Variants in TRIP11 observed in about 807,000 individuals in gnomAD.
TRIP11 encodes thyroid hormone receptor interactor 11, also known as thyroid receptor-interacting protein 11.
In TRIP11, 148 loss-of-function variants were observed where a neutral mutation model predicts 223.1. The ratio of observed to expected loss-of-function variants is 0.66; its 90% CI spans 0.58 to 0.76. The LOEUF (loss-of-function observed/expected upper bound fraction) is 0.76, where lower values mean the gene tolerates loss of function less well. Ranked by LOEUF, TRIP11 falls within the 30% of genes least tolerant of loss-of-function variation. The probability of loss-of-function intolerance (pLI) is 0.00; values close to 1 mark genes in which losing one functional copy is unlikely to be tolerated. For missense variants in TRIP11, 2,043 were observed against 2,222.0 expected, an observed-to-expected ratio of 0.92 and a Z score of 1.62; for synonymous variants, 762 against 772.6, an observed-to-expected ratio of 0.99 and a Z score of 0.23.
rs563903210 is a variant in TRIP11, at chr14:92,026,929, C to T, written c.202-1509G>A. ...AGTTAAACTAAAAAAAAGGCCGCCG[C>T]GACCTATTCACCCTCCACTTCCCCT... On this transcript the variant is annotated intron_variant, in intron 2 of 20. Transcript: ENST00000267622. 1.1e-4 allele frequency: 137 copies of T among 1,277,294 alleles called. 4 individuals carry two copies. The South Asian group carries it at 1.5e-3, about 14-fold the overall frequency. 79.1% of individuals were successfully genotyped at this position (1,277,294 alleles called of 1,614,324 possible).
intron 7 of TRIP11, among the ~76,000 whole-genome samples, chr14:92,013,878 T>C (rs2057003788): frequency 6.6e-6 from 1 of 152,246 alleles, no homozygotes; most frequent in Non-Finnish European, 1.5e-5. Flanking sequence ...CCTATGGCTC[T>C]AAGCACTCAG....
chr14:91,992,955 A>G (rs2056697510), intron 15 of TRIP11, among the ~76,000 whole-genome samples: 1 of 147,256 alleles, frequency 6.8e-6, no homozygotes, highest in Admixed American at 6.9e-5. Flanking sequence ...AGTTTCTCCT[A>G]AATCTAAAAG....
At chr14:91,974,027 C>CA (rs998471400) in intron 19 of TRIP11, among the ~76,000 whole-genome samples, 33 of 152,108 alleles carry the variant, frequency 2.2e-4, no homozygotes, top group African/African-American at 7.5e-4. Flanking sequence ...GACTCTGTCT[C>CA]AAAAAACAAA....
Position 92,005,534 on chromosome 14 carries a change from TTC to T in TRIP11, c.2440_2441del (p.Glu814AsnfsTer4), listed in dbSNP as rs2056888520. On this transcript the variant is annotated frameshift_variant, in exon 11 of 21. Transcript: ENST00000267622. LOFTEE classifies it high-confidence loss of function. ...KQLTQLINKK[E>X]IFIEKLKERS... is the part of the protein sequence containing the mutation. ...TTTCTTTAAGCTTTTCAATAAAAAT[TTC>T]TTTCTTGTTTATAAGTTGTGTCAAC... 1.2e-6 allele frequency: 2 copies of T among 1,611,190 alleles called. No individual in the cohort carries two copies. Among genetic ancestry groups the T allele is most frequent in the Non-Finnish European group, 8.5e-7 (1 of 1,179,540 alleles).
At chr14:91,980,514 G>C (rs1347688378) in intron 16 of TRIP11, among the ~76,000 whole-genome samples, 1 of 152,208 alleles carries the variant, frequency 6.6e-6, no homozygotes, top group African/African-American at 2.4e-5. Context: ...GAATTTGATA[G>C]AATCAACTGA....
chr14:92,026,421 G>A (rs1294289178), intron 2 of TRIP11: 11 of 602,520 alleles, frequency 1.8e-5, no homozygotes, highest in Middle Eastern at 4.4e-4. Context: ...ATAATGGGGC[G>A]CCCCACTGGC....
Position 91,993,855 on chromosome 14 carries a change from C to G in TRIP11, c.5114G>C (p.Trp1705Ser). The G allele has an allele frequency of 6.2e-7, 1 of 1,613,802 alleles. No homozygotes were observed. The highest frequency in any genetic ancestry group is 2.2e-5 in the East Asian group (1 of 44,822). The change falls in exon 15 of 21, where the codon TGG becomes TCG. Residue 1705 changes from tryptophan (W) to serine (S), a missense_variant. Physicochemically the swap from Trp to Ser is radical, Grantham distance 177. Transcript: ENST00000267622. Reference protein sequence around the residue: ...LEKQKQLIAEWKKNAENLEGK... With the variant: ...LEKQKQLIAESKKNAENLEGK... ...TTCCAGATTTTCTGCGTTTTTCTTC[C>G]ATTCAGCTATAAGCTGTTTTTGCTT...
chr14:92,001,877 T>C (rs1171838144), intron 11 of TRIP11, among the ~76,000 whole-genome samples: 3 of 152,190 alleles, frequency 2.0e-5, no homozygotes, highest in African/African-American at 7.2e-5. Context: ...TAAGAAGTTA[T>C]CTCAGAAGAA....
At position 92,000,099 on chromosome 14, in the gene TRIP11, C is replaced by T. The variant is rs775824447; in HGVS notation, c.4567G>A (p.Gly1523Arg). The change falls in exon 12 of 21, where the codon GGA (glycine) becomes AGA (arginine). Residue 1523 changes from glycine (G) to arginine (R), a missense_variant. Transcript: ENST00000267622. ...GCATTTAAAAGCTGATTTAACTCTC[C>T]AGTCTTGCCCTTTTGGAAAGAAAAA... ...LLKEKEQGKTGELNQLLNAVK... is the reference protein window; with the variant it reads ...LLKEKEQGKTRELNQLLNAVK... 5.0e-6 allele frequency: 8 copies of T among 1,613,760 alleles called. No homozygotes were observed. The Admixed American group carries it at 6.7e-5, about 13-fold the overall frequency.
chr14:92,030,365 T>C (rs1050434448), intron 2 of TRIP11, among the ~76,000 whole-genome samples: 1 of 152,158 alleles, frequency 6.6e-6, no homozygotes, highest in African/African-American at 2.4e-5. Context: ...GCTAAGCAGA[T>C]ACATGACAGT....
chr14:91,982,182 A>C (rs2056553635), intron 16 of TRIP11, among the ~76,000 whole-genome samples: 1 of 152,204 alleles, frequency 6.6e-6, no homozygotes, highest in Admixed American at 6.5e-5. Context: ...TTTTAATATA[A>C]CCAAATCAAA....
intron 15 of TRIP11, among the ~76,000 whole-genome samples, chr14:91,990,916 T>C (rs1185671278): frequency 6.6e-6 from 1 of 152,224 alleles, no homozygotes; most frequent in Non-Finnish European, 1.5e-5. Flanking sequence ...AATACATCTT[T>C]TAAATGTATT....
At chr14:91,980,097 A>C (rs1011110579) in intron 16 of TRIP11, among the ~76,000 whole-genome samples, 16 of 152,166 alleles carry the variant, frequency 1.1e-4, no homozygotes, top group Non-Finnish European at 7.4e-5. Flanking sequence ...AACTTGCCAT[A>C]TCAGAGTCTC....
At chr14:91,977,220 G>A in intron 16 of TRIP11, 1 of 454,890 alleles carries the variant, frequency 2.2e-6, no homozygotes, top group Non-Finnish European at 4.4e-6. Context: ...CCCATTCTGT[G>A]AGTTGTCATC....
In TRIP11 at chr14:92,005,763, T is replaced by G; in HGVS notation, c.2213A>C (p.Lys738Thr). 1 of 1,614,110 alleles carries G rather than the reference T, an allele frequency of 6.2e-7. No homozygotes were observed. The highest frequency in any genetic ancestry group is 8.5e-7 in the Non-Finnish European group (1 of 1,180,022). The change falls in exon 11 of 21, where the codon AAG (lysine) becomes ACG (threonine). Residue 738 changes from lysine (K) to threonine (T), a missense_variant. Physicochemically the swap from Lys to Thr is moderately conservative, Grantham distance 78. Transcript: ENST00000267622. ...CAGTTCTTCAATGGTTTTCTCATAC[T>G]TGTTTGCTTCTTCCAACAGCCTCTT... is the stretch of plus-strand genomic sequence containing the variant. ...AKKRLLEEAN[K>T]YEKTIEELSN... is the part of the protein sequence containing the mutation.
chr14:91,974,506 C>T, intron 19 of TRIP11, 121 bp downstream of exon 19: 2 of 824,656 alleles, frequency 2.4e-6, no homozygotes, highest in Non-Finnish European at 3.9e-6. Flanking sequence ...TCAGTTTCTG[C>T]AACTTCAAAA....
chr14:91,990,107 A>C (rs888570652), intron 15 of TRIP11, among the ~76,000 whole-genome samples: 1 of 152,204 alleles, frequency 6.6e-6, no homozygotes, highest in Non-Finnish European at 1.5e-5. Flanking sequence ...TCAATATATA[A>C]ATTTGACACA....
chr14:92,014,201 C>T lies in TRIP11; in HGVS notation c.1186+14G>A, dbSNP rs371492052. The T allele has an allele frequency of 1.2e-4, 187 of 1,613,664 alleles. No homozygotes were observed. In the Middle Eastern group the frequency reaches 1.3e-3, roughly 11 times the overall value. On this transcript the variant is annotated intron_variant, in intron 7 of 20. Transcript: ENST00000267622. ...TGAAACAGCAATCTGAAATAAGTTCCAAAGACTGTATACCAGACAGTGCTT... is the reference window on the plus strand; with the variant it reads ...TGAAACAGCAATCTGAAATAAGTTCTAAAGACTGTATACCAGACAGTGCTT...
At position 92,033,199 on chromosome 14, in the gene TRIP11, C is replaced by T; in HGVS notation, c.194G>A (p.Arg65Lys). The T allele has an allele frequency of 6.2e-7, 1 of 1,613,002 alleles. No homozygotes were observed. Among genetic ancestry groups the T allele is most frequent in the South Asian group, 1.1e-5 (1 of 90,980 alleles). ...GTCTTTGATTTTTCTTACCTCTGAT[C>T]TCAAGATTGCATGAATGGCTTCAAT... The part of the protein sequence containing the change: ...KEIEAIHAIL[R>K]SENERLKKLC... The change falls in exon 2 of 21, where the codon AGA (arginine) becomes AAA (lysine). Residue 65 changes from arginine to lysine, a missense_variant. By Grantham distance (26) the Arg-to-Lys change is conservative (BLOSUM62 2). Transcript: ENST00000267622.
Sources: gnomAD v4.1 joint callset for allele counts (sites outside exome capture counted in the v4.1 genomes callset) on GRCh38, gnomAD v4.1.1 for gene constraint, MANE v1.5 for transcripts, NCBI Gene and HGNC (gene_info 2026-07-23, HGNC 2026-07-21) for gene names.